Variants in LY6S observed in about 807,000 individuals in gnomAD.
LY6S encodes lymphocyte antigen 6S.
At chr8:143,057,500 G>A in the LY6S span, 21 of 713,604 alleles carry the variant, frequency 2.9e-5, no homozygotes, top group Non-Finnish European at 4.0e-5. Context: ...CGCCCGCCCC[G>A]GCCTCCCAAA....
chr8:143,066,948 G>C, the LY6S span, among the ~76,000 whole-genome samples: 1 of 152,186 alleles, frequency 6.6e-6, no homozygotes, highest in Admixed American at 6.5e-5. Flanking sequence ...AGGCCTCAAA[G>C]GCATTTCAGA....
the LY6S span, among the ~76,000 whole-genome samples, chr8:143,056,824 C>A: frequency 6.6e-6 from 1 of 152,156 alleles, no homozygotes; most frequent in Non-Finnish European, 1.5e-5. Flanking sequence ...AAAGTTCAGG[C>A]ATCGCTGATA....
the LY6S span, chr8:143,044,901 C>A: frequency 8.6e-7 from 1 of 1,168,034 alleles, no homozygotes; most frequent in Non-Finnish European, 1.1e-6. Context: ...CTCTCACCAC[C>A]ACCCTTGTCC....
the LY6S span, among the ~76,000 whole-genome samples, chr8:143,060,908 A>G: frequency 6.6e-6 from 1 of 152,312 alleles, no homozygotes; most frequent in East Asian, 1.9e-4. Context: ...AAATATATCT[A>G]AGAATATAAC....
At chr8:143,045,076 C>T in the LY6S span, among the ~76,000 whole-genome samples, 6 of 152,140 alleles carry the variant, frequency 3.9e-5, no homozygotes, top group Non-Finnish European at 8.8e-5. The surrounding 1 kb of genome is among the most constrained non-coding windows in gnomAD (Gnocchi z 5.3). Flanking sequence ...AGTGAGTCCT[C>T]GGAAGTGAGC....
chr8:143,054,537 T>C, the LY6S span, among the ~76,000 whole-genome samples: 1 of 152,296 alleles, frequency 6.6e-6, no homozygotes, highest in South Asian at 2.1e-4. Context: ...AAAATACTTT[T>C]GTAGCACAAA....
At chr8:143,052,720 C>G in the LY6S span, among the ~76,000 whole-genome samples, 8 of 152,090 alleles carry the variant, frequency 5.3e-5, no homozygotes, top group African/African-American at 1.9e-4. Flanking sequence ...TCGTGGAGGC[C>G]GCAATCCTCC....
chr8:143,072,268 C>T, the LY6S span, among the ~76,000 whole-genome samples: 8 of 146,840 alleles, frequency 5.4e-5, no homozygotes, highest in East Asian at 1.0e-3. Flanking sequence ...AGGAGACAGC[C>T]GTCGTCCCCG....
the LY6S span, among the ~76,000 whole-genome samples, chr8:143,074,696 T>C: frequency 6.6e-6 from 1 of 152,360 alleles, no homozygotes; most frequent in South Asian, 2.1e-4. Context: ...TTCTTTCATC[T>C]GGGTTATCTG....
the LY6S span, among the ~76,000 whole-genome samples, chr8:143,073,300 G>A: frequency 2.0e-5 from 3 of 149,272 alleles, no homozygotes; most frequent in African/African-American, 7.5e-5. Flanking sequence ...TCGTCCCCGG[G>A]GCTCCTGTTC....
chr8:143,049,626 G>C, the LY6S span, among the ~76,000 whole-genome samples: 1 of 152,236 alleles, frequency 6.6e-6, no homozygotes, highest in Non-Finnish European at 1.5e-5. Flanking sequence ...GGGGTTCTCA[G>C]GGCTCCACAC....
At chr8:143,056,020 T>C in the LY6S span, among the ~76,000 whole-genome samples, 72 of 151,876 alleles carry the variant, frequency 4.7e-4, no homozygotes, top group Non-Finnish European at 6.9e-4. Context: ...TGTTTACTAA[T>C]TATGATTGAT....
chr8:143,061,991 G>A, the LY6S span, among the ~76,000 whole-genome samples: 2 of 152,332 alleles, frequency 1.3e-5, no homozygotes, highest in Non-Finnish European at 2.9e-5. Context: ...ATTTCTTTAA[G>A]TGAATGTAGA....
the LY6S span, among the ~76,000 whole-genome samples, chr8:143,071,146 G>A: frequency 1.3e-5 from 2 of 151,756 alleles, no homozygotes; most frequent in African/African-American, 4.8e-5. Context: ...CGGAAGACCC[G>A]GCATGGAATA....
At chr8:143,067,791 G>T in the LY6S span, among the ~76,000 whole-genome samples, 69 of 152,230 alleles carry the variant, frequency 4.5e-4, no homozygotes, top group Non-Finnish European at 7.5e-4. Flanking sequence ...GTGCACGTAG[G>T]CTAGATTTAT....
At chr8:143,067,618 T>C in the LY6S span, among the ~76,000 whole-genome samples, 3 of 152,312 alleles carry the variant, frequency 2.0e-5, no homozygotes, top group Admixed American at 6.5e-5. Flanking sequence ...TCGGCGCTGG[T>C]CTCTGAGCTC....
the LY6S span, among the ~76,000 whole-genome samples, chr8:143,073,051 G>T: frequency 1.5e-5 from 2 of 132,802 alleles, no homozygotes; most frequent in African/African-American, 5.2e-5. Flanking sequence ...GGAGACAGCC[G>T]TCGTCCTCGG....
At chr8:143,049,133 C>A in the LY6S span, 1 of 533,542 alleles carries the variant, frequency 1.9e-6, no homozygotes, top group Non-Finnish European at 3.9e-6. Flanking sequence ...GGATGTCCCA[C>A]ACCCTGTCAT....
the LY6S span, among the ~76,000 whole-genome samples, chr8:143,061,514 T>C: frequency 2.0e-5 from 3 of 151,778 alleles, no homozygotes; most frequent in Non-Finnish European, 4.4e-5. Flanking sequence ...GGTTGGTTGG[T>C]TGGTTGGTTG....
Sources: gnomAD v4.1 joint callset for allele counts (sites outside exome capture counted in the v4.1 genomes callset) on GRCh38, gnomAD v4.1.1 for gene constraint, Gnocchi (gnomAD v3.1) non-coding constraint, MANE v1.5 for transcripts, NCBI Gene and HGNC (gene_info 2026-07-23, HGNC 2026-07-21) for gene names.